MAP1LC3B: variants seen among roughly 807,000 people sequenced by gnomAD.
MAP1LC3B encodes microtubule associated protein 1 light chain 3 beta.
MAP1LC3B carries 12 observed loss-of-function variants against 16.7 expected under a neutral mutation model. The ratio of observed to expected loss-of-function variants is 0.72; its 90% CI spans 0.46 to 1.16. The LOEUF is 1.16. Among genes scored for constraint, MAP1LC3B ranks in the 50% most tolerant of loss-of-function variants. The pLI, the probability that MAP1LC3B is intolerant of heterozygous loss-of-function variation, is 0.00. For synonymous variants in MAP1LC3B, 63 were observed against 56.5 expected, an observed-to-expected ratio of 1.11 and a Z score of -0.51; for missense variants, 155 against 159.5, an observed-to-expected ratio of 0.97 and a Z score of 0.15.
rs971039321 is a variant in MAP1LC3B, at chr16:87,392,638, A to T, written c.40+171A>T. On this transcript the variant is annotated intron_variant, in intron 1 of 3. Transcript: ENST00000268607. ...TGCGGGGCCCGGGGCCCCGTGAGGG[A>T]CCCAGGCCGGGACCGAGCCGGGAGG... 8.0e-5 allele frequency: 40 copies of T among 501,144 alleles called. No homozygotes were observed. In the African/African-American group the frequency reaches 8.0e-4, roughly 10 times the overall value. The allele number at this position is 501,144 out of a possible 1,614,324, so 31.0% of individuals were successfully genotyped here. A position where few individuals can be genotyped will look rare whatever the true frequency, so the allele number is the denominator to read the frequency against.
intron 1 of MAP1LC3B, among the ~76,000 whole-genome samples, chr16:87,394,802 G>C (rs1479980275): frequency 6.9e-6 from 1 of 145,062 alleles, no homozygotes; most frequent in African/African-American, 2.6e-5. Context: ...GTGGGGCATG[G>C]TGGCTCACAC....
intron 3 of MAP1LC3B, 173 bp downstream of exon 3, chr16:87,402,454 TTTC>T (rs1357378030): frequency 1.0e-5 from 7 of 684,620 alleles, no homozygotes; most frequent in Admixed American, 3.2e-5. Flanking sequence ...CTATAAAATG[TTTC>T]TTTTTTTGAG....
At chr16:87,401,415 A>G (rs1462404969) in intron 2 of MAP1LC3B, among the ~76,000 whole-genome samples, 3 of 152,338 alleles carry the variant, frequency 2.0e-5, no homozygotes, top group East Asian at 1.9e-4. Flanking sequence ...AAGCTAGCAA[A>G]TGATCACTCT....
At chr16:87,395,438 G>A (rs1907764645) in intron 1 of MAP1LC3B, among the ~76,000 whole-genome samples, 1 of 152,240 alleles carries the variant, frequency 6.6e-6, no homozygotes, top group African/African-American at 2.4e-5. Context: ...GACAAAAACA[G>A]ATGATTACAG....
At chr16:87,401,838 T>TC (rs1908003468) in intron 2 of MAP1LC3B, among the ~76,000 whole-genome samples, 1 of 142,558 alleles carries the variant, frequency 7.0e-6, no homozygotes, top group Non-Finnish European at 1.5e-5. Context: ...CCTGATGACT[T>TC]TTTTTTTTTT....
At position 87,403,811 on chromosome 16, in the gene MAP1LC3B, G is replaced by A. The variant is rs933442515; in HGVS notation, c.*714G>A. ...ACTTGAATAATTTATAATTTTGATC[G>A]AGTTTCTTAAAAGACCCTGGAGAAA... On this transcript the variant is annotated 3_prime_UTR_variant, in exon 4 of 4. Transcript: ENST00000268607. 6.6e-6 allele frequency: 1 copy of A among 152,166 alleles called. No homozygotes were observed. Among genetic ancestry groups the A allele is most frequent in the Non-Finnish European group, 1.5e-5 (1 of 68,042 alleles). The allele number at this position is 152,166 out of a possible 1,614,324, so 9.4% of individuals were successfully genotyped here.
chr16:87,401,585 T>C (rs1261050490), intron 2 of MAP1LC3B, among the ~76,000 whole-genome samples: 1 of 152,246 alleles, frequency 6.6e-6, no homozygotes, highest in Non-Finnish European at 1.5e-5. Context: ...TAGGCTGGAG[T>C]GCAGTGGCGC....
chr16:87,402,673 A>G (rs1373113483), intron 3 of MAP1LC3B: 9 of 575,536 alleles, frequency 1.6e-5, no homozygotes, highest in Non-Finnish European at 2.4e-5. Context: ...CTGCTTTCTT[A>G]TATTAGACAG....
At chr16:87,401,147 A>C (rs868302611) in intron 2 of MAP1LC3B, among the ~76,000 whole-genome samples, 1 of 151,814 alleles carries the variant, frequency 6.6e-6, no homozygotes, top group Non-Finnish European at 1.5e-5. Flanking sequence ...AAAAAAAAAA[A>C]AAAAAAAAAC....
intron 1 of MAP1LC3B, 89 bp downstream of exon 1, chr16:87,392,556 G>GGGCCGAGCCGGGA (rs1361076711): frequency 8.7e-7 from 1 of 1,150,472 alleles, no homozygotes; most frequent in Non-Finnish European, 1.1e-6. Context: ...TGAGGGGTCG[G>GGGCCGAGCCGGGA]GGCCGAGCCG....
At position 87,396,150 on chromosome 16, in the gene MAP1LC3B, C is replaced by T. The variant is rs542998802; in HGVS notation, c.41-2665C>T. 4.6e-5 allele frequency among the ~76,000 whole-genome samples: 7 copies of T among 151,760 alleles called. No individual in the cohort carries two copies. In the East Asian group the frequency reaches 7.9e-4, roughly 17 times the overall value. On this transcript the variant is annotated intron_variant, in intron 1 of 3. Transcript: ENST00000268607. ...TGCTGGGTTTACGAGCGTGAGCCAC[C>T]GCACCCAGCCAAACCTAGTTTCCTA...
intron 2 of MAP1LC3B, chr16:87,399,765 T>C: frequency 3.8e-6 from 1 of 261,966 alleles, no homozygotes; most frequent in Non-Finnish European, 7.7e-6. Context: ...AGCCAATGGA[T>C]TATTTATTTA....
chr16:87,397,192 A>G (rs529244917), intron 1 of MAP1LC3B, among the ~76,000 whole-genome samples: 76 of 152,370 alleles, frequency 5.0e-4, no homozygotes, highest in East Asian at 1.2e-3. Flanking sequence ...TGAGTTTGCA[A>G]TCTTTGTTGC....
intron 1 of MAP1LC3B, among the ~76,000 whole-genome samples, chr16:87,398,168 A>T (rs1907870981): frequency 6.6e-6 from 1 of 152,064 alleles, no homozygotes; most frequent in South Asian, 2.1e-4. Flanking sequence ...GATTACAGGC[A>T]TGTGCCATCA....
chr16:87,398,147 C>T (rs1210924374), intron 1 of MAP1LC3B, among the ~76,000 whole-genome samples: 2 of 152,046 alleles, frequency 1.3e-5, no homozygotes, highest in South Asian at 2.1e-4. Context: ...CTCAGCCTCC[C>T]GAGTAGCTGG....
chr16:87,394,422 G>T (rs1270909457), intron 1 of MAP1LC3B, among the ~76,000 whole-genome samples: 1 of 152,216 alleles, frequency 6.6e-6, no homozygotes, highest in African/African-American at 2.4e-5. Context: ...ATAAGCCCCA[G>T]TTAGCTTGAG....
chr16:87,399,435 C>T (rs1192943930), intron 2 of MAP1LC3B: 1 of 317,588 alleles, frequency 3.1e-6, no homozygotes, highest in Non-Finnish European at 6.2e-6. Context: ...AGATAAAGCT[C>T]TCAAACTTAC....
intron 2 of MAP1LC3B, among the ~76,000 whole-genome samples, chr16:87,401,474 A>G (rs1907990528): frequency 6.6e-6 from 1 of 152,228 alleles, no homozygotes; most frequent in African/African-American, 2.4e-5. Context: ...TTCAAAGCCC[A>G]TTTTGGCATG....
chr16:87,395,144 A>G (rs1490363011), intron 1 of MAP1LC3B, among the ~76,000 whole-genome samples: 1 of 152,214 alleles, frequency 6.6e-6, no homozygotes, highest in South Asian at 2.1e-4. Flanking sequence ...ATATCTCAAA[A>G]CAACTTTGCA....
Sources: gnomAD v4.1 joint callset for allele counts (sites outside exome capture counted in the v4.1 genomes callset) on GRCh38, gnomAD v4.1.1 for gene constraint, MANE v1.5 for transcripts, NCBI Gene and HGNC (gene_info 2026-07-23, HGNC 2026-07-21) for gene names.